Variants in AHI1 observed in about 807,000 individuals in gnomAD.
The protein encoded by AHI1 is Abelson helper integration site 1.
AHI1 carries 123 observed loss-of-function variants against 149.3 expected under a neutral mutation model. The ratio of observed to expected loss-of-function variants is 0.82; its 90% CI spans 0.71 to 0.96. AHI1 has a LOEUF of 0.96. Among genes scored for constraint, AHI1 ranks in the 40% least tolerant of loss-of-function variants. AHI1 has a pLI of 0.00. For synonymous variants in AHI1, 475 were observed against 459.8 expected, an observed-to-expected ratio of 1.03 and a Z score of -0.42; for missense variants, 1,439 against 1,422.7, an observed-to-expected ratio of 1.01 and a Z score of -0.18.
In AHI1 at chr6:135,392,276, T is replaced by C. The variant is rs113014758; in HGVS notation, c.3109+2500A>G. Among the ~76,000 whole-genome samples, 1,301 of 152,318 alleles carry C rather than the reference T, an allele frequency of 8.5e-3. 11 individuals are homozygous for C. The highest frequency in any genetic ancestry group is 0.015 in the Non-Finnish European group (1,022 of 68,018). ...GATTTTAGAATGAATAAATGAAGCA[T>C]TCTAGAAATTGTGAGGAATACAAAT... On this transcript the variant is annotated intron_variant, in intron 23 of 28. Transcript: ENST00000265602.
At chr6:135,383,970 C>CT (rs1777229968) in intron 23 of AHI1, among the ~76,000 whole-genome samples, 1 of 152,146 alleles carries the variant, frequency 6.6e-6, no homozygotes, top group Non-Finnish European at 1.5e-5. Context: ...ACTGAGTTTC[C>CT]TTTACCCTAG....
In AHI1 at chr6:135,283,624, A is replaced by C. The variant is rs919038775; in HGVS notation, c.*2021T>G. 3 of 152,230 alleles carry C rather than the reference A, an allele frequency of 2.0e-5. No homozygotes were observed. In the South Asian group the frequency reaches 6.2e-4, roughly 32 times the overall value. 9.4% of individuals were successfully genotyped at this position (152,230 alleles called of 1,614,324 possible). On this transcript the variant is annotated 3_prime_UTR_variant, in exon 29 of 29. Transcript: ENST00000265602. ...ATTATCAGCTGGATCTATTGCTTGG[A>C]GGGCACTGTCATGATCTCCCCCACC... is the stretch of plus-strand genomic sequence containing the variant.
rs1317701639 is a variant in AHI1 at position 135,285,073 on chromosome 6, T to TG, written c.*571dup. ...TAGTAGAGATGGGGTTTCACCATGTTGGTCAGGCTGGTGTTGTTGAACTCC... is the reference window on the plus strand; with the variant it reads ...TAGTAGAGATGGGGTTTCACCATGTTGGGTCAGGCTGGTGTTGTTGAACTCC... On this transcript the variant is annotated 3_prime_UTR_variant, in exon 29 of 29. Transcript: ENST00000265602. The TG allele has an allele frequency of 6.5e-6, 1 of 153,364 alleles. No individual in the cohort carries two copies. Among genetic ancestry groups the TG allele is most frequent in the East Asian group, 1.9e-4 (1 of 5,240 alleles). 9.5% of individuals were successfully genotyped at this position (153,364 alleles called of 1,614,324 possible).
chr6:135,434,548 A>G (rs1785113401), intron 15 of AHI1, among the ~76,000 whole-genome samples: 1 of 152,086 alleles, frequency 6.6e-6, no homozygotes, highest in Non-Finnish European at 1.5e-5. Context: ...AAGCAAATAC[A>G]TCTTCAAAAC....
chr6:135,355,867 C>T lies in AHI1; in HGVS notation c.3165+2265G>A, dbSNP rs528941270. On this transcript the variant is annotated intron_variant, in intron 24 of 28. Transcript: ENST00000265602. ...TGAACTGAGATTGCGCCACGGCACT[C>T]CAGCCTGGGCAACAGAGCGAGACTC... Among the ~76,000 whole-genome samples the T allele has an allele frequency of 2.0e-5, 3 of 152,232 alleles. No individual in the cohort carries two copies. In the South Asian group the frequency reaches 6.2e-4, roughly 32 times the overall value.
At chr6:135,294,187 G>T (rs1782759863) in intron 27 of AHI1, among the ~76,000 whole-genome samples, 1 of 152,010 alleles carries the variant, frequency 6.6e-6, no homozygotes, top group Non-Finnish European at 1.5e-5. Flanking sequence ...TTAGCTGGGT[G>T]TGGTGGTGTG....
chr6:135,466,089 A>G lies in AHI1; in HGVS notation c.474T>C (p.His158=). 1 of 1,613,752 alleles carries G rather than the reference A, an allele frequency of 6.2e-7. No individual in the cohort carries two copies. Among genetic ancestry groups the G allele is most frequent in the South Asian group, 1.1e-5 (1 of 91,066 alleles). Residue 158 remains histidine, a synonymous_variant, in exon 7 of 29, where the codon CAT becomes CAC. Coordinates refer to ENST00000265602, the MANE Select transcript of AHI1 (RefSeq NM_001134831.2). The part of the protein sequence containing the change: ...NKVDSTHQKT[H]TKPQPGVDHQ... ...GATCAACGCCTGGCTGTGGCTTTGT[A>G]TGTGTTTTCTGGTGTGTAGAATCAA...
chr6:135,375,037 T>C (rs1361666374), intron 23 of AHI1, among the ~76,000 whole-genome samples: 1 of 152,214 alleles, frequency 6.6e-6, no homozygotes, highest in East Asian at 1.9e-4. Context: ...GGCTAAAGTA[T>C]GATGTTTGGT....
intron 27 of AHI1, among the ~76,000 whole-genome samples, chr6:135,298,585 G>C (rs1783454437): frequency 6.6e-6 from 1 of 152,162 alleles, no homozygotes; most frequent in African/African-American, 2.4e-5. Flanking sequence ...CTCGCCTACA[G>C]TTTTCAAGTC....
At chr6:135,473,213 C>CT (rs1792035558) in intron 5 of AHI1, among the ~76,000 whole-genome samples, 3 of 152,118 alleles carry the variant, frequency 2.0e-5, no homozygotes, top group South Asian at 4.1e-4. Context: ...TTATCCTTGC[C>CT]TTTAGTGAAT....
chr6:135,466,883 C>T (rs1167990196), intron 6 of AHI1, among the ~76,000 whole-genome samples: 1 of 152,096 alleles, frequency 6.6e-6, no homozygotes, highest in Non-Finnish European at 1.5e-5. Context: ...CTAAATATTA[C>T]ATATTAAGTT....
At chr6:135,402,628 C>G (rs1780179243) in intron 22 of AHI1, among the ~76,000 whole-genome samples, 1 of 152,024 alleles carries the variant, frequency 6.6e-6, no homozygotes, top group African/African-American at 2.4e-5. Flanking sequence ...TCTTCTGCCT[C>G]TGCCCCCAGT....
At chr6:135,357,100 A>T (rs1267657760) in intron 24 of AHI1, among the ~76,000 whole-genome samples, 2 of 152,034 alleles carry the variant, frequency 1.3e-5, no homozygotes, top group Admixed American at 6.5e-5. Flanking sequence ...CACCATGCCC[A>T]GATAACTTTT....
chr6:135,429,124 T>C (rs1450502980), intron 18 of AHI1, among the ~76,000 whole-genome samples: 4 of 151,710 alleles, frequency 2.6e-5, no homozygotes, highest in African/African-American at 9.7e-5. Flanking sequence ...GTTACTAAAC[T>C]AATGGATAGA....
chr6:135,324,117 A>G (rs1787282807), intron 24 of AHI1, among the ~76,000 whole-genome samples: 1 of 152,166 alleles, frequency 6.6e-6, no homozygotes, highest in African/African-American at 2.4e-5. Flanking sequence ...GCCAAGAGTT[A>G]GAGATCAACC....
At position 135,427,284 on chromosome 6, in the gene AHI1, C is replaced by G; in HGVS notation, c.2647G>C (p.Asp883His). Residue 883 changes from aspartate to histidine, a missense_variant, in exon 20 of 29, where the codon GAC becomes CAC. Transcript: ENST00000265602. ...ETGEQVAMYS[D>H]LPFKSPIRDI... is the part of the protein sequence containing the mutation. ...CGAATGGGTGACTTGAATGGCAAGT[C>G]AGAATACATGGCTACTTGTTCTCCT... 6.2e-7 allele frequency: 1 copy of G among 1,609,666 alleles called. No homozygotes were observed. The highest frequency in any genetic ancestry group is 8.5e-7 in the Non-Finnish European group (1 of 1,177,268).
chr6:135,354,440 G>A (rs1362077694), intron 24 of AHI1, among the ~76,000 whole-genome samples: 2 of 152,036 alleles, frequency 1.3e-5, no homozygotes, highest in Non-Finnish European at 2.9e-5. Context: ...AAAAGCTATG[G>A]GATTTGCCAA....
chr6:135,444,695 A>G (rs545089738), intron 13 of AHI1, among the ~76,000 whole-genome samples: 122 of 152,376 alleles, frequency 8.0e-4, no homozygotes, highest in Non-Finnish European at 1.5e-3. Flanking sequence ...GAGTTTTCAT[A>G]AAAATAAAAT....
At chr6:135,431,651 C>G (rs940952100) in intron 16 of AHI1, among the ~76,000 whole-genome samples, 2 of 152,116 alleles carry the variant, frequency 1.3e-5, no homozygotes, top group Non-Finnish European at 2.9e-5. Context: ...CGACATGTAA[C>G]ATTATTTCTC....
Sources: gnomAD v4.1 joint callset for allele counts (sites outside exome capture counted in the v4.1 genomes callset) on GRCh38, gnomAD v4.1.1 for gene constraint, MANE v1.5 for transcripts, NCBI Gene and HGNC (gene_info 2026-07-23, HGNC 2026-07-21) for gene names.